SDK1: variants seen among roughly 807,000 people sequenced by gnomAD.
SDK1 encodes protein sidekick-1.
Under a neutral mutation model 245.5 loss-of-function variants are expected in SDK1, and 157 were observed. The ratio of observed to expected loss-of-function variants is 0.64; its 90% CI spans 0.56 to 0.73. SDK1 has a LOEUF of 0.73. Among genes scored for constraint, SDK1 ranks in the 30% least tolerant of loss-of-function variants. SDK1 has a pLI of 0.00. For missense variants in SDK1, 3,583 were observed against 3,002.3 expected (o/e 1.19, Z -4.52); for synonymous variants, 1,647 against 1,278.5 (o/e 1.29, Z -6.15).
intron 9 of SDK1, 52 bp from the exon 10 acceptor site, chr7:3,967,266 G>A (rs923160449): frequency 3.6e-6 from 5 of 1,404,842 alleles, no homozygotes; most frequent in Admixed American, 3.4e-5. Flanking sequence ...CCAGGCTGAT[G>A]TGAGCCTCTC....
At chr7:3,697,540 CTT>C (rs201714175) in intron 4 of SDK1, among the ~76,000 whole-genome samples, 13 of 152,110 alleles carry the variant, frequency 8.5e-5, no homozygotes, top group African/African-American at 3.1e-4. Flanking sequence ...TCTAATACCC[CTT>C]TTTTTGAGTC....
At chr7:4,253,522 A>T (rs1397598999) in intron 44 of SDK1, among the ~76,000 whole-genome samples, 1 of 152,080 alleles carries the variant, frequency 6.6e-6, no homozygotes, top group Non-Finnish European at 1.5e-5. Flanking sequence ...AGTCCTTTAA[A>T]ATTCATTGGG....
intron 5 of SDK1, among the ~76,000 whole-genome samples, chr7:3,840,860 G>A (rs1780139675): frequency 6.6e-6 from 1 of 152,194 alleles, no homozygotes; most frequent in Non-Finnish European, 1.5e-5. Flanking sequence ...CTCTGGGAGT[G>A]GGGTCCAGGA....
intron 20 of SDK1, among the ~76,000 whole-genome samples, chr7:4,074,872 C>G (rs1436630154): frequency 5.4e-5 from 5 of 93,338 alleles, no homozygotes; most frequent in African/African-American, 3.5e-4. Flanking sequence ...CTCTCTCTCT[C>G]TCTCTCTCTC....
intron 4 of SDK1, among the ~76,000 whole-genome samples, chr7:3,694,381 T>A (rs932123685): frequency 6.6e-6 from 1 of 152,118 alleles, no homozygotes; most frequent in Non-Finnish European, 1.5e-5. Context: ...CCTCCTCTCA[T>A]AGACACTCAC....
chr7:3,425,999 A>T (rs566599377), intron 1 of SDK1, among the ~76,000 whole-genome samples: 1 of 152,358 alleles, frequency 6.6e-6, no homozygotes, highest in East Asian at 1.9e-4. Context: ...ATGGCAACTT[A>T]TACATGGAAG....
chr7:3,879,895 T>C (rs1441482969), intron 5 of SDK1, among the ~76,000 whole-genome samples: 2 of 152,264 alleles, frequency 1.3e-5, no homozygotes, highest in Non-Finnish European at 1.5e-5. Context: ...ACCATATCTG[T>C]CTGTGGCAGG....
At position 4,183,640 on chromosome 7, in the gene SDK1, C is replaced by CAA. The variant is rs548155248; in HGVS notation, c.5098+5072_5098+5073dup. ...TGGGCTACAGAGCAAGACTCCGTCT[C>CAA]AAAAAAAAAAAAAAAAAAAGAAAGT... On this transcript the variant is annotated intron_variant, in intron 35 of 44. Coordinates refer to ENST00000404826, the MANE Select transcript of SDK1 (RefSeq NM_152744.4). Among the ~76,000 whole-genome samples the CAA allele has an allele frequency of 3.0e-3, 220 of 73,068 alleles. 2 individuals are homozygous for CAA. The Middle Eastern group carries it at 0.062, about 21-fold the overall frequency. 47.9% of individuals were successfully genotyped at this position (73,068 alleles called of 152,430 possible). A position where few individuals can be genotyped will look rare whatever the true frequency, so the allele number is the denominator to read the frequency against.
At chr7:3,905,912 C>T (rs543207400) in intron 5 of SDK1, among the ~76,000 whole-genome samples, 139 of 152,350 alleles carry the variant, frequency 9.1e-4, no homozygotes, top group South Asian at 2.9e-3. Flanking sequence ...GTATGAGCCA[C>T]TGTACCTGGC....
At chr7:4,034,889 G>T (rs73673257) in intron 17 of SDK1, among the ~76,000 whole-genome samples, 2 of 152,174 alleles carry the variant, frequency 1.3e-5, no homozygotes, top group Non-Finnish European at 2.9e-5. Context: ...GAAAAAGAAG[G>T]TACCAAAATA....
At position 3,462,334 on chromosome 7, in the gene SDK1, C is replaced by T. The variant is rs75262408; in HGVS notation, c.299-156746C>T. On this transcript the variant is annotated intron_variant, in intron 1 of 44. Coordinates refer to ENST00000404826, the MANE Select transcript of SDK1 (RefSeq NM_152744.4). The stretch of plus-strand genomic sequence containing the variant: ...CCTCTCAATATCTTTCTCTCTTCCC[C>T]CCTGCCCCGCCGAGGTTGAGTATCA... Among the ~76,000 whole-genome samples, 230 of 152,254 alleles carry T rather than the reference C, an allele frequency of 1.5e-3. 2 individuals are homozygous for T. The highest frequency in any genetic ancestry group is 2.3e-3 in the Non-Finnish European group (156 of 68,016).
Position 3,301,699 on chromosome 7 carries a change from C to T in SDK1, c.113C>T (p.Pro38Leu), listed in dbSNP as rs930681807. 7.2e-6 allele frequency: 7 copies of T among 974,172 alleles called. No individual in the cohort carries two copies. The East Asian group carries it at 4.7e-4, about 66-fold the overall frequency. 60.3% of individuals were successfully genotyped at this position (974,172 alleles called of 1,614,324 possible). A position where few individuals can be genotyped will look rare whatever the true frequency, so the allele number is the denominator to read the frequency against. ...GGATCCCCGCCCGGCCGCGCCCGCC[C>T]CTCGCTGGCGCCGCGCCCCGGCCCG... Reference protein sequence around the residue: ...PRGSPPGRARPSLAPRPGPEP... With the variant: ...PRGSPPGRARLSLAPRPGPEP... The change falls in exon 1 of 45, where the codon CCC (proline) becomes CTC (leucine). Residue 38 changes from proline (P) to leucine (L), a missense_variant. Physicochemically the swap from Pro to Leu is moderately conservative, Grantham distance 98. Coordinates refer to ENST00000404826, the MANE Select transcript of SDK1 (RefSeq NM_152744.4).
intron 1 of SDK1, among the ~76,000 whole-genome samples, chr7:3,582,634 T>A (rs1357874244): frequency 7.8e-6 from 1 of 128,830 alleles, no homozygotes; most frequent in Non-Finnish European, 1.5e-5. Context: ...CCTCGTGACA[T>A]GAGCTTACAT....
At chr7:3,831,286 G>T (rs1779906419) in intron 5 of SDK1, among the ~76,000 whole-genome samples, 1 of 152,130 alleles carries the variant, frequency 6.6e-6, no homozygotes, top group Non-Finnish European at 1.5e-5. Flanking sequence ...GATGATTCTG[G>T]TGAATTTCCT....
At chr7:3,647,106 C>G (rs1291767872) in intron 4 of SDK1, among the ~76,000 whole-genome samples, 1 of 152,154 alleles carries the variant, frequency 6.6e-6, no homozygotes, top group Admixed American at 6.5e-5. Flanking sequence ...TAATCTTAGG[C>G]CACGGATGGT....
chr7:3,632,699 C>T (rs1226214279), intron 2 of SDK1, among the ~76,000 whole-genome samples: 2 of 152,168 alleles, frequency 1.3e-5, no homozygotes, highest in Non-Finnish European at 2.9e-5. Context: ...AATTTAACTT[C>T]ATATTGATTA....
rs931452261 is a variant in SDK1 at position 4,215,653 on chromosome 7, CG to C, written c.5540-4453del. ...CCGGCCAAAGGACTGCCCCGCGGTA[CG>C]GGAGCTGGTTTGGTGGTGGTGGTTT... On this transcript the variant is annotated intron_variant, in intron 38 of 44. Transcript: ENST00000404826. Among the ~76,000 whole-genome samples the C allele has an allele frequency of 5.3e-5, 8 of 152,312 alleles. 1 individual carries two copies. Among genetic ancestry groups the C allele is most frequent in the African/African-American group, 1.9e-4 (8 of 41,564 alleles).
chr7:3,668,075 ACTATCATTTG>A (rs1783591236), intron 4 of SDK1, among the ~76,000 whole-genome samples: 2 of 152,176 alleles, frequency 1.3e-5, no homozygotes, highest in Admixed American at 1.3e-4. Flanking sequence ...ACCTAACAAA[ACTATCATTTG>A]AGGTAGGGGA....
chr7:3,986,598 C>T (rs758363279), intron 13 of SDK1, among the ~76,000 whole-genome samples: 16 of 152,282 alleles, frequency 1.1e-4, no homozygotes, highest in Middle Eastern at 3.4e-3. Flanking sequence ...TGGTGGCTCA[C>T]GCCTGTAATC....
Sources: gnomAD v4.1 joint callset for allele counts (sites outside exome capture counted in the v4.1 genomes callset) on GRCh38, gnomAD v4.1.1 for gene constraint, MANE v1.5 for transcripts, NCBI Gene and HGNC (gene_info 2026-07-23, HGNC 2026-07-21) for gene names.